The following SCN3A variants were observed in gnomAD, a reference collection of about 807,000 sequenced individuals.
SCN3A encodes the protein sodium voltage-gated channel alpha subunit 3.
SCN3A carries 60 observed loss-of-function variants against 187.6 expected under a neutral mutation model. That is an observed-to-expected ratio of 0.32 (90% confidence interval 0.26 to 0.40). The LOEUF (loss-of-function observed/expected upper bound fraction) is 0.40. Among genes scored for constraint, SCN3A ranks in the 10% least tolerant of loss-of-function variants. The pLI, the probability that SCN3A is intolerant of heterozygous loss-of-function variation, is 1.00. For synonymous variants in SCN3A, 788 were observed against 829.2 expected (o/e 0.95, Z 0.85); for missense variants, 1,601 against 2,428.2 (o/e 0.66, Z 7.16).
intron 10 of SCN3A, 143 bp from the exon 11 acceptor site, chr2:165,154,801 T>C: frequency 2.7e-6 from 2 of 751,744 alleles, no homozygotes; most frequent in Non-Finnish European, 4.5e-6. Flanking sequence ...TTGGTATTGA[T>C]ATGCTCAACA....
intron 2 of SCN3A, among the ~76,000 whole-genome samples, chr2:165,179,391 C>A (rs574613664): frequency 6.6e-6 from 1 of 152,168 alleles, no homozygotes; most frequent in South Asian, 2.1e-4. Flanking sequence ...ATTGGATTCT[C>A]CTGGTTGGTT....
intron 3 of SCN3A, among the ~76,000 whole-genome samples, chr2:165,174,714 G>T (rs1382496332): frequency 6.6e-6 from 1 of 151,926 alleles, no homozygotes; most frequent in Admixed American, 6.6e-5. Flanking sequence ...ATTTCTTGGG[G>T]GGTGACTTAT....
rs1230554954 is a variant in SCN3A at position 165,158,774 on chromosome 2, T to C, written c.1032-2871A>G. The stretch of plus-strand genomic sequence containing the variant: ...TTAATCACTCAGTAATATTTTATTG[T>C]ATGGGCATAACAATTTATTTATCTA... On this transcript the variant is annotated intron_variant, in intron 9 of 27. Coordinates refer to ENST00000283254, the MANE Select transcript of SCN3A (RefSeq NM_006922.4). Among the ~76,000 whole-genome samples the C allele has an allele frequency of 1.4e-5, 2 of 137,970 alleles. 1 individual carries two copies. The highest frequency in any genetic ancestry group is 5.6e-4 in the East Asian group (2 of 3,566). 90.5% of individuals were successfully genotyped at this position (137,970 alleles called of 152,430 possible).
intron 10 of SCN3A, among the ~76,000 whole-genome samples, chr2:165,155,389 ATTCCCT>A (rs971353415): frequency 2.1e-5 from 3 of 143,922 alleles, no homozygotes; most frequent in Admixed American, 7.0e-5. Flanking sequence ...TCCTTTTCCC[ATTCCCT>A]TTCCCTTTCC....
At chr2:165,148,891 A>G (rs1688509959) in intron 11 of SCN3A, among the ~76,000 whole-genome samples, 1 of 152,166 alleles carries the variant, frequency 6.6e-6, no homozygotes, top group Non-Finnish European at 1.5e-5. Flanking sequence ...TATGCAAAAT[A>G]AAGTGAATAA....
intron 18 of SCN3A, among the ~76,000 whole-genome samples, chr2:165,122,230 C>CTTTTTTTTTTTTTTTTTTTT (rs776949572): frequency 1.8e-5 from 2 of 113,918 alleles, no homozygotes; most frequent in African/African-American, 3.4e-5. Flanking sequence ...TTCTTTCTTT[C>CTTTTTTTTTTTTTTTTTTTT]TTTTTTTTCT....
At chr2:165,147,631 AT>A (rs1375390818) in intron 11 of SCN3A, among the ~76,000 whole-genome samples, 9 of 152,178 alleles carry the variant, frequency 5.9e-5, no homozygotes, top group African/African-American at 2.2e-4. Flanking sequence ...CTCCCAGAGA[AT>A]TTATTACATA....
chr2:165,146,482 T>TTA (rs1381168779), intron 12 of SCN3A, among the ~76,000 whole-genome samples: 2 of 148,128 alleles, frequency 1.4e-5, no homozygotes, highest in South Asian at 4.2e-4. Context: ...TCAATATATA[T>TTA]TATATATATC....
chr2:165,106,528 G>T (rs1259222323), intron 21 of SCN3A, among the ~76,000 whole-genome samples: 1 of 152,066 alleles, frequency 6.6e-6, no homozygotes, highest in Non-Finnish European at 1.5e-5. Flanking sequence ...AATTGTTTTT[G>T]ACATTTTACA....
At chr2:165,096,620 T>TAAA (rs1217920570) in intron 23 of SCN3A, 100 bp from the exon 24 acceptor site, 3 of 758,726 alleles carry the variant, frequency 4.0e-6, no homozygotes, top group Non-Finnish European at 6.7e-6. Flanking sequence ...TAACTTTTTG[T>TAAA]ACAATATTGT....
chr2:165,195,982 T>G (rs1299440585), intron 1 of SCN3A, among the ~76,000 whole-genome samples: 1 of 152,124 alleles, frequency 6.6e-6, no homozygotes, highest in Non-Finnish European at 1.5e-5. Context: ...TCTAGCTAGT[T>G]CTTACAATTG....
chr2:165,153,788 G>A (rs1000554098), intron 11 of SCN3A, among the ~76,000 whole-genome samples: 11 of 151,936 alleles, frequency 7.2e-5, no homozygotes, highest in African/African-American at 2.4e-4. Context: ...CTATATATTC[G>A]TGAGTCTTCA....
chr2:165,117,371 T>C (rs1172894863), intron 18 of SCN3A, among the ~76,000 whole-genome samples: 1 of 152,152 alleles, frequency 6.6e-6, no homozygotes, highest in African/African-American at 2.4e-5. Context: ...ACTTCCTGTA[T>C]GAAGCCATTC....
intron 11 of SCN3A, among the ~76,000 whole-genome samples, 166 bp from the exon 12 acceptor site, chr2:165,147,195 T>A (rs1688404390): frequency 6.6e-6 from 1 of 151,642 alleles, no homozygotes; most frequent in Non-Finnish European, 1.5e-5. Flanking sequence ...ATGACCCTTA[T>A]GTTTTAAATC....
chr2:165,155,987 C>A (rs911683517), intron 9 of SCN3A, 84 bp from the exon 10 acceptor site: 1 of 1,520,308 alleles, frequency 6.6e-7, no homozygotes, highest in Non-Finnish European at 9.1e-7. Flanking sequence ...TTTTCAAAAC[C>A]CAAAGCTGCT....
intron 18 of SCN3A, among the ~76,000 whole-genome samples, chr2:165,126,101 TA>T (rs1202076970): frequency 1.3e-5 from 2 of 151,936 alleles, no homozygotes; most frequent in Non-Finnish European, 2.9e-5. Flanking sequence ...TACACTTATT[TA>T]AAAAAAAGAG....
At chr2:165,157,162 G>A (rs932231913) in intron 9 of SCN3A, among the ~76,000 whole-genome samples, 57 of 152,024 alleles carry the variant, frequency 3.7e-4, no homozygotes, top group African/African-American at 1.3e-3. Flanking sequence ...CGCCTGCCTC[G>A]GCCTCCCAAA....
rs1429635198 is a variant in SCN3A, at chr2:165,140,058, A to T, written c.2020-450T>A. On this transcript the variant is annotated intron_variant, in intron 13 of 27. Coordinates refer to ENST00000283254, the MANE Select transcript of SCN3A (RefSeq NM_006922.4). The surrounding 1 kb of genome is among the most constrained non-coding windows in gnomAD (Gnocchi z 4.2). Reference sequence around the variant, plus strand: ...TTGAGGCTATATTGACAATATTGACATATGTGGGCCAATTTTTTCCATGCA... The same window carrying T: ...TTGAGGCTATATTGACAATATTGACTTATGTGGGCCAATTTTTTCCATGCA... 6.6e-6 allele frequency among the ~76,000 whole-genome samples: 1 copy of T among 152,156 alleles called. No individual in the cohort carries two copies. The highest frequency in any genetic ancestry group is 2.4e-5 in the African/African-American group (1 of 41,444).
At chr2:165,196,836 G>A (rs1292446376) in intron 1 of SCN3A, among the ~76,000 whole-genome samples, 1 of 152,056 alleles carries the variant, frequency 6.6e-6, no homozygotes, top group Non-Finnish European at 1.5e-5. Context: ...AAAGTGTTTT[G>A]CTTCCAACTG....
Sources: allele counts gnomAD v4.1 joint callset (sites outside exome capture counted in the v4.1 genomes callset), GRCh38; gene constraint gnomAD v4.1.1; non-coding constraint Gnocchi (gnomAD v3.1); transcripts MANE v1.5; gene names NCBI Gene and HGNC (gene_info 2026-07-23, HGNC 2026-07-21).